ZFHX3: variants seen among roughly 807,000 people sequenced by gnomAD.
ZFHX3 encodes the protein zinc finger homeobox protein 3.
A neutral mutation model predicts 279.1 loss-of-function variants in ZFHX3; 42 were observed. The ratio of observed to expected loss-of-function variants is 0.15; its 90% confidence interval spans 0.12 to 0.19. ZFHX3 has a LOEUF of 0.19. Ranked by LOEUF, ZFHX3 falls within the 10% of genes least tolerant of loss-of-function variation. The pLI is 1.00. For missense variants in ZFHX3, 4,981 were observed against 4,754.0 expected (o/e 1.05, Z -1.40); for synonymous variants, 2,293 against 1,957.8 (o/e 1.17, Z -4.52).
intron 1 of ZFHX3, among the ~76,000 whole-genome samples, chr16:73,882,124 A>T (rs991142366): frequency 6.6e-6 from 1 of 152,156 alleles, no homozygotes; most frequent in Non-Finnish European, 1.5e-5. Flanking sequence ...ATTAGCTTTT[A>T]AAAAAATGTT....
chr16:72,870,161 G>A (rs547953081), intron 4 of ZFHX3, among the ~76,000 whole-genome samples: 2 of 152,314 alleles, frequency 1.3e-5, no homozygotes, highest in South Asian at 4.1e-4. Context: ...GGAGGCCAAA[G>A]CGGGCAGATT....
chr16:73,432,509 C>G (rs967963210), intron 3 of ZFHX3, among the ~76,000 whole-genome samples: 12 of 152,206 alleles, frequency 7.9e-5, no homozygotes, highest in African/African-American at 2.9e-4. Flanking sequence ...TCTAGTTGAT[C>G]TGTTCTTATC....
At chr16:72,893,681 C>G (rs977335886) in intron 3 of ZFHX3, among the ~76,000 whole-genome samples, 3 of 152,178 alleles carry the variant, frequency 2.0e-5, no homozygotes, top group African/African-American at 7.2e-5. Context: ...ACTGGGCATG[C>G]ATTACAAATA....
At position 73,037,250 on chromosome 16, in the gene ZFHX3, C is replaced by G. The variant is rs141198671; in HGVS notation, c.-50+10502G>C. Among the ~76,000 whole-genome samples the G allele has an allele frequency of 4.0e-3, 603 of 152,284 alleles. 19 individuals are homozygous for G. Among genetic ancestry groups the G allele is most frequent in the Admixed American group, 0.035 (536 of 15,300 alleles). On this transcript the variant is annotated intron_variant, in intron 1 of 9. Transcript: ENST00000268489. The stretch of plus-strand genomic sequence containing the variant: ...CTGGGGTAAGGAGGTATTCAAATAT[C>G]CGGTTGCTATTCAAATGCATCCATG...
chr16:72,837,046 T>C (rs1314816173), intron 4 of ZFHX3, among the ~76,000 whole-genome samples: 1 of 152,156 alleles, frequency 6.6e-6, no homozygotes, highest in Admixed American at 6.5e-5. Flanking sequence ...GATAAGCAAA[T>C]GGGCCTCCCG....
chr16:72,870,717 CAAAAAA>C (rs71156125), intron 4 of ZFHX3, among the ~76,000 whole-genome samples: 5 of 101,562 alleles, frequency 4.9e-5, no homozygotes, highest in Admixed American at 1.2e-4. Context: ...GACTCTGTCT[CAAAAAA>C]AAAAAAAAAA....
At chr16:73,251,270 C>T (rs1383852800) in intron 5 of ZFHX3, among the ~76,000 whole-genome samples, 4 of 152,054 alleles carry the variant, frequency 2.6e-5, no homozygotes, top group Admixed American at 1.3e-4. Flanking sequence ...GTGTACAGTC[C>T]CCAAGTTAGT....
At chr16:73,716,537 T>A (rs999509019) in intron 1 of ZFHX3, among the ~76,000 whole-genome samples, 3 of 151,958 alleles carry the variant, frequency 2.0e-5, no homozygotes, top group Non-Finnish European at 4.4e-5. Flanking sequence ...CAAGGACAGA[T>A]GGAAGGATGC....
At chr16:72,953,446 C>A (rs1329285863) in intron 2 of ZFHX3, among the ~76,000 whole-genome samples, 1 of 152,182 alleles carries the variant, frequency 6.6e-6, no homozygotes, top group Non-Finnish European at 1.5e-5. Context: ...ATGCCAACCA[C>A]CTGAAGCATC....
chr16:73,541,093 C>T (rs1312498376), intron 2 of ZFHX3, among the ~76,000 whole-genome samples: 7 of 152,194 alleles, frequency 4.6e-5, no homozygotes. Context: ...TCATTCTCCA[C>T]CCGTCCATCT....
chr16:73,287,681 T>C (rs111319879), intron 4 of ZFHX3, among the ~76,000 whole-genome samples: 24,190 of 140,730 alleles, frequency 0.17, 1,977 homozygotes, highest in South Asian at 0.22. Flanking sequence ...GGTTGATGTG[T>C]GCGTGTGTGG....
chr16:72,991,255 C>T (rs1483018524), intron 1 of ZFHX3, among the ~76,000 whole-genome samples: 1 of 152,058 alleles, frequency 6.6e-6, no homozygotes, highest in Non-Finnish European at 1.5e-5. Context: ...TCTTACTGTG[C>T]CTAATTTATA....
chr16:72,889,501 A>AG (rs2038715755), intron 4 of ZFHX3, among the ~76,000 whole-genome samples: 2 of 151,976 alleles, frequency 1.3e-5, no homozygotes, highest in African/African-American at 4.8e-5. Context: ...AAAAAAAAAA[A>AG]AAAAGAAGAA....
intron 5 of ZFHX3, among the ~76,000 whole-genome samples, chr16:73,197,568 C>T (rs1191089504): frequency 6.6e-6 from 1 of 152,204 alleles, no homozygotes; most frequent in Non-Finnish European, 1.5e-5. Flanking sequence ...TAAACCACTT[C>T]CCCATGACTT....
chr16:73,670,127 C>A (rs983685), intron 2 of ZFHX3, among the ~76,000 whole-genome samples: 138,541 of 152,294 alleles, frequency 0.91, 63,076 homozygotes, highest in East Asian at 0.98. Flanking sequence ...CCCTCGCAGA[C>A]CAACACTGCA....
chr16:73,308,264 TA>T (rs2015236922), intron 4 of ZFHX3, among the ~76,000 whole-genome samples: 77 of 29,748 alleles, frequency 2.6e-3, no homozygotes, highest in South Asian at 5.1e-3. Context: ...TATATATATA[TA>T]TATATATATA....
intron 4 of ZFHX3, among the ~76,000 whole-genome samples, chr16:72,886,905 G>C (rs986228026): frequency 1.3e-5 from 2 of 152,180 alleles, no homozygotes; most frequent in Non-Finnish European, 2.9e-5. Flanking sequence ...TGGGATCAGA[G>C]GCAAAGCAGA....
At chr16:73,614,769 C>CT (rs199689879) in intron 2 of ZFHX3, among the ~76,000 whole-genome samples, 2,881 of 150,998 alleles carry the variant, frequency 0.019, 98 homozygotes, top group African/African-American at 0.066. Flanking sequence ...CCTTCTTCTT[C>CT]TTTTTTTTTG....
At chr16:73,355,588 T>C (rs2016326498) in intron 3 of ZFHX3, among the ~76,000 whole-genome samples, 1 of 152,148 alleles carries the variant, frequency 6.6e-6, no homozygotes, top group Non-Finnish European at 1.5e-5. Flanking sequence ...AAATGACTCT[T>C]TAGAAAAGGC....
Sources: gnomAD v4.1 joint callset for allele counts (sites outside exome capture counted in the v4.1 genomes callset) on GRCh38, gnomAD v4.1.1 for gene constraint, MANE v1.5 for transcripts, NCBI Gene and HGNC (gene_info 2026-07-23, HGNC 2026-07-21) for gene names.